TAFA1: variants seen among roughly 807,000 people sequenced by gnomAD.
The protein encoded by TAFA1 is TAFA chemokine like family member 1, also known as chemokine-like protein TAFA-1.
Under a neutral mutation model 18.5 loss-of-function variants are expected in TAFA1, and 4 were observed. The observed-to-expected ratio is 0.22, with a 90% CI of 0.11 to 0.49. TAFA1 has a LOEUF of 0.49. Among genes scored for constraint, TAFA1 ranks in the 20% least tolerant of loss-of-function variants. TAFA1 has a pLI of 0.98. For missense variants in TAFA1, 147 were observed against 169.0 expected (o/e 0.87, Z 0.72); for synonymous variants, 56 against 55.2 (o/e 1.01, Z -0.06).
intron 2 of TAFA1, among the ~76,000 whole-genome samples, chr3:68,055,308 G>A (rs1394115636): frequency 6.6e-6 from 1 of 151,982 alleles, no homozygotes; most frequent in Non-Finnish European, 1.5e-5. Flanking sequence ...ATGTATGCGG[G>A]GGGCAAGAGG....
chr3:68,207,228 A>G (rs554125425), intron 2 of TAFA1, among the ~76,000 whole-genome samples: 1 of 152,008 alleles, frequency 6.6e-6, no homozygotes, highest in Non-Finnish European at 1.5e-5. Context: ...CAAGACCCAT[A>G]AAGTTACTGT....
At chr3:68,411,315 G>GTA (rs1271239747) in intron 2 of TAFA1, among the ~76,000 whole-genome samples, 1 of 152,132 alleles carries the variant, frequency 6.6e-6, no homozygotes, top group African/African-American at 2.4e-5. Flanking sequence ...ACTATACTCT[G>GTA]TATATATACT....
chr3:68,166,300 A>G (rs2065981624), intron 2 of TAFA1, among the ~76,000 whole-genome samples: 1 of 152,110 alleles, frequency 6.6e-6, no homozygotes, highest in Non-Finnish European at 1.5e-5. Flanking sequence ...TTCCTGAGCT[A>G]CTTTTCTCCC....
chr3:68,079,726 C>A (rs1480735943), intron 2 of TAFA1, among the ~76,000 whole-genome samples: 30 of 152,266 alleles, frequency 2.0e-4, no homozygotes, highest in Non-Finnish European at 1.5e-5. Context: ...GAGAGCTTTA[C>A]TTCCAAGTAT....
intron 3 of TAFA1, among the ~76,000 whole-genome samples, chr3:68,421,416 G>A (rs1181531333): frequency 6.6e-6 from 1 of 152,020 alleles, no homozygotes; most frequent in East Asian, 1.9e-4. Context: ...AATTGTTTTG[G>A]TGGCCTAGAT....
chr3:68,175,526 A>T (rs1244374274), intron 2 of TAFA1, among the ~76,000 whole-genome samples: 1 of 152,136 alleles, frequency 6.6e-6, no homozygotes, highest in African/African-American at 2.4e-5. Context: ...GAGCTTTAAG[A>T]TTCGTCTGCC....
rs373951121 is a variant in TAFA1, at chr3:68,306,471, A to T, written c.119-110809A>T. Among the ~76,000 whole-genome samples, 137 of 152,184 alleles carry T rather than the reference A, an allele frequency of 9.0e-4. 1 individual carries two copies. Among genetic ancestry groups the T allele is most frequent in the African/African-American group, 2.5e-3 (103 of 41,528 alleles). Reference sequence around the variant, plus strand: ...GAGTTTAGTTTTCACATATTCAGAAATATTCTTTTTAAACTCACATATACA... The same window carrying T: ...GAGTTTAGTTTTCACATATTCAGAATTATTCTTTTTAAACTCACATATACA... On this transcript the variant is annotated intron_variant, in intron 2 of 4. Coordinates refer to ENST00000478136, the MANE Select transcript of TAFA1 (RefSeq NM_213609.4).
chr3:68,193,116 G>C (rs1468135842), intron 2 of TAFA1, among the ~76,000 whole-genome samples: 1 of 151,700 alleles, frequency 6.6e-6, no homozygotes, highest in Non-Finnish European at 1.5e-5. Context: ...ATTAGTCACA[G>C]TACCTGCCTC....
intron 3 of TAFA1, among the ~76,000 whole-genome samples, chr3:68,434,500 C>G (rs2071235529): frequency 6.6e-6 from 1 of 152,054 alleles, no homozygotes; most frequent in Admixed American, 6.6e-5. Context: ...CTTTTGCCCC[C>G]TTCTTTGTGT....
chr3:68,370,488 A>G lies in TAFA1; in HGVS notation c.119-46792A>G, dbSNP rs1413300647. Among the ~76,000 whole-genome samples, 104 of 90,474 alleles carry G rather than the reference A, an allele frequency of 1.1e-3. 1 individual carries two copies. Among genetic ancestry groups the G allele is most frequent in the African/African-American group, 4.1e-3 (100 of 24,122 alleles). The allele number at this position is 90,474 out of a possible 152,430, so 59.4% of individuals were successfully genotyped here. A position where few individuals can be genotyped will look rare whatever the true frequency, so the allele number is the denominator to read the frequency against. ...TGTGTGTGTGTATATATATATATATATATATATATATATATATATATATAT... is the reference window on the plus strand; with the variant it reads ...TGTGTGTGTGTATATATATATATATGTATATATATATATATATATATATAT... On this transcript the variant is annotated intron_variant, in intron 2 of 4. Transcript: ENST00000478136.
At chr3:68,173,643 G>A (rs1318278592) in intron 2 of TAFA1, among the ~76,000 whole-genome samples, 1 of 152,126 alleles carries the variant, frequency 6.6e-6, no homozygotes, top group Non-Finnish European at 1.5e-5. Context: ...ATAGAATGGG[G>A]CATGGAGACC....
intron 2 of TAFA1, among the ~76,000 whole-genome samples, chr3:68,057,826 A>T (rs893006600): frequency 2.0e-5 from 3 of 152,192 alleles, no homozygotes; most frequent in Non-Finnish European, 4.4e-5. Flanking sequence ...GTTGGTTTGA[A>T]GACAGAGGAA....
At chr3:68,374,808 G>A (rs2106643472) in intron 2 of TAFA1, among the ~76,000 whole-genome samples, 1 of 152,256 alleles carries the variant, frequency 6.6e-6, no homozygotes, top group East Asian at 1.9e-4. Context: ...TCCCTGCTAA[G>A]AACTCCAGCT....
At chr3:68,521,474 G>A (rs770112937) in intron 3 of TAFA1, among the ~76,000 whole-genome samples, 21 of 152,120 alleles carry the variant, frequency 1.4e-4, no homozygotes, top group Non-Finnish European at 2.6e-4. Flanking sequence ...ACAATCACTG[G>A]CCTCACGAAG....
intron 3 of TAFA1, among the ~76,000 whole-genome samples, chr3:68,495,331 G>A (rs1170851598): frequency 3.3e-5 from 5 of 152,166 alleles, no homozygotes; most frequent in African/African-American, 9.7e-5. Flanking sequence ...TGAAGGTTAG[G>A]TAAAAAGAGC....
intron 3 of TAFA1, among the ~76,000 whole-genome samples, chr3:68,444,258 G>T (rs918732288): frequency 3.3e-5 from 5 of 152,090 alleles, no homozygotes; most frequent in African/African-American, 1.2e-4. Flanking sequence ...CTAGTCTTTT[G>T]GGTAAAATAG....
At chr3:68,029,001 C>T (rs1005098395) in intron 2 of TAFA1, among the ~76,000 whole-genome samples, 1 of 151,980 alleles carries the variant, frequency 6.6e-6, no homozygotes, top group Non-Finnish European at 1.5e-5. Flanking sequence ...TATCCACTTA[C>T]CTTGGTTTCT....
At chr3:68,050,675 A>C (rs1013084179) in intron 2 of TAFA1, among the ~76,000 whole-genome samples, 1 of 152,122 alleles carries the variant, frequency 6.6e-6, no homozygotes, top group Non-Finnish European at 1.5e-5. Flanking sequence ...TCTGCCACTT[A>C]CTATTTAAGA....
At chr3:68,181,720 A>G (rs1482035621) in intron 2 of TAFA1, among the ~76,000 whole-genome samples, 3 of 152,212 alleles carry the variant, frequency 2.0e-5, no homozygotes, top group Non-Finnish European at 2.9e-5. Flanking sequence ...TAGACTCCTA[A>G]TGGAGATGAC....
Sources: allele counts gnomAD v4.1 joint callset (sites outside exome capture counted in the v4.1 genomes callset), GRCh38; gene constraint gnomAD v4.1.1; transcripts MANE v1.5; gene names NCBI Gene and HGNC (gene_info 2026-07-23, HGNC 2026-07-21).